Variants in MTMR2 observed in about 807,000 individuals in gnomAD.
MTMR2 encodes the protein myotubularin related protein 2.
Under a neutral mutation model 86.9 loss-of-function variants are expected in MTMR2, and 55 were observed. That is an observed-to-expected ratio of 0.63 (90% CI 0.51 to 0.79). The LOEUF is 0.79. MTMR2 is among the 30% of genes least tolerant of loss of function. The probability of loss-of-function intolerance (pLI) is 0.00; values close to 1 mark genes in which losing one functional copy is unlikely to be tolerated. For missense variants in MTMR2, 659 were observed against 772.3 expected (o/e 0.85, Z 1.74); for synonymous variants, 241 against 266.8 (o/e 0.90, Z 0.94).
chr11:95,859,287 G>A (rs1466867068), intron 5 of MTMR2, among the ~76,000 whole-genome samples: 2 of 152,196 alleles, frequency 1.3e-5, no homozygotes, highest in Non-Finnish European at 2.9e-5. Flanking sequence ...AGGCTCTACA[G>A]TAAGGTCTAA....
intron 2 of MTMR2, among the ~76,000 whole-genome samples, chr11:95,866,061 C>T (rs1470625470): frequency 8.7e-6 from 1 of 115,600 alleles, no homozygotes; most frequent in African/African-American, 3.3e-5. Flanking sequence ...TAGATCTGAA[C>T]TACAGTTGAA....
At chr11:95,916,356 AT>A (rs1384423809) in intron 1 of MTMR2, among the ~76,000 whole-genome samples, 1 of 152,102 alleles carries the variant, frequency 6.6e-6, no homozygotes, top group African/African-American at 2.4e-5. Flanking sequence ...AGCCAACTGG[AT>A]GTAAGTTAAA....
rs1864588505 is a variant in MTMR2, at chr11:95,865,686, G to A, written c.187-10C>T. 1 of 1,590,320 alleles carries A rather than the reference G, an allele frequency of 6.3e-7. No homozygotes were observed. Among genetic ancestry groups the A allele is most frequent in the Non-Finnish European group, 8.6e-7 (1 of 1,161,208 alleles). ...TAGACTCCCTCAGGACCTGGGGTGG[G>A]AAAGACAAAAAAAGAAACATTTTTT... On this transcript the variant is annotated splice_polypyrimidine_tract_variant and intron_variant, in intron 2 of 14. Coordinates refer to ENST00000346299, the MANE Select transcript of MTMR2 (RefSeq NM_016156.6).
intron 2 of MTMR2, among the ~76,000 whole-genome samples, chr11:95,872,267 TC>T (rs1864919888): frequency 6.6e-6 from 1 of 152,004 alleles, no homozygotes; most frequent in African/African-American, 2.4e-5. Context: ...GGAATGTTCA[TC>T]CATTTGTTTG....
At chr11:95,866,442 CTCCATCT>C (rs1864621571) in intron 2 of MTMR2, 2 of 152,058 alleles carry the variant, frequency 1.3e-5, no homozygotes, top group African/African-American at 4.8e-5. Flanking sequence ...CCATTAATTC[CTCCATCT>C]TCCGCAATCT....
intron 1 of MTMR2, among the ~76,000 whole-genome samples, chr11:95,898,522 A>G (rs1284505450): frequency 6.6e-6 from 1 of 152,030 alleles, no homozygotes; most frequent in African/African-American, 2.4e-5. Flanking sequence ...ACAAACACAC[A>G]CACACAAAAA....
chr11:95,835,095 A>G lies in MTMR2; in HGVS notation c.*195T>C. On this transcript the variant is annotated 3_prime_UTR_variant, in exon 15 of 15. Transcript: ENST00000346299. Reference sequence around the variant, plus strand: ...TAAAAGATTAGTATCATAATCATGTAATTACATATGGAGTTACTTCACTTA... The same window carrying G: ...TAAAAGATTAGTATCATAATCATGTGATTACATATGGAGTTACTTCACTTA... The G allele has an allele frequency of 1.7e-6, 1 of 592,274 alleles. No homozygotes were observed. The allele number at this position is 592,274 out of a possible 1,614,324, so 36.7% of individuals were successfully genotyped here.
At chr11:95,873,535 T>C (rs1488809773) in intron 2 of MTMR2, among the ~76,000 whole-genome samples, 2 of 152,220 alleles carry the variant, frequency 1.3e-5, no homozygotes, top group African/African-American at 4.8e-5. Flanking sequence ...ATTTTGATCT[T>C]TTCAAAAAAC....
intron 2 of MTMR2, among the ~76,000 whole-genome samples, chr11:95,878,554 T>C (rs781116434): frequency 6.6e-6 from 1 of 152,136 alleles, no homozygotes; most frequent in Non-Finnish European, 1.5e-5. Context: ...CTGCAAAAAC[T>C]TCTACAAAAA....
At chr11:95,875,498 T>C (rs1478441404) in intron 2 of MTMR2, among the ~76,000 whole-genome samples, 2 of 151,976 alleles carry the variant, frequency 1.3e-5, no homozygotes, top group Non-Finnish European at 2.9e-5. Flanking sequence ...GCCATTCGTC[T>C]AATTTTTTTT....
intron 10 of MTMR2, among the ~76,000 whole-genome samples, chr11:95,847,385 G>A (rs192107361): frequency 8.5e-5 from 13 of 152,244 alleles, no homozygotes; most frequent in African/African-American, 3.1e-4. Context: ...TGGAAAGACA[G>A]GGTAAAGAGT....
chr11:95,873,394 T>A (rs1453685738), intron 2 of MTMR2, among the ~76,000 whole-genome samples: 4 of 152,226 alleles, frequency 2.6e-5, no homozygotes, highest in Non-Finnish European at 4.4e-5. Context: ...TTTATTTGCA[T>A]AGAGGTGTTT....
intron 2 of MTMR2, among the ~76,000 whole-genome samples, chr11:95,884,321 A>C (rs984470422): frequency 6.6e-6 from 1 of 152,234 alleles, no homozygotes; most frequent in Non-Finnish European, 1.5e-5. Flanking sequence ...AGATTTATTA[A>C]GAAATATTGA....
chr11:95,891,103 T>C (rs1865699115), intron 1 of MTMR2, among the ~76,000 whole-genome samples: 1 of 152,128 alleles, frequency 6.6e-6, no homozygotes. Flanking sequence ...GGAGAGTGTA[T>C]TATCTAGAAA....
chr11:95,849,674 C>G lies in MTMR2; in HGVS notation c.993G>C (p.Lys331Asn). ...ARPSVNAVAN[K>N]AKGGGYESED... ...TATAATTACTAAGAGACCATCTGACCTTGTTGGCAACAGCATTAACACTTG... is the reference window on the plus strand; with the variant it reads ...TATAATTACTAAGAGACCATCTGACGTTGTTGGCAACAGCATTAACACTTG... The change falls in exon 9 of 15, where the codon AAG becomes AAC. Residue 331 changes from lysine to asparagine, a missense_variant and splice_region_variant. Physicochemically the swap from Lys to Asn is moderately conservative, Grantham distance 94 (BLOSUM62 0). Around this residue, in one of 3 missense-constraint regions of MTMR2, gnomAD observed 387 missense variants for 526.3 expected, o/e 0.74. Coordinates refer to ENST00000346299, the MANE Select transcript of MTMR2 (RefSeq NM_016156.6). 1 of 1,613,560 alleles carries G rather than the reference C, an allele frequency of 6.2e-7. No individual in the cohort carries two copies. The highest frequency in any genetic ancestry group is 8.5e-7 in the Non-Finnish European group (1 of 1,179,572).
intron 2 of MTMR2, among the ~76,000 whole-genome samples, chr11:95,882,920 T>G (rs11499677): frequency 2.0e-5 from 2 of 101,194 alleles, no homozygotes; most frequent in African/African-American, 7.4e-5. Context: ...TTTTTTTTTT[T>G]GTATTTTTAG....
chr11:95,868,303 A>AAAAAAG (rs1565362661), intron 2 of MTMR2, among the ~76,000 whole-genome samples: 2 of 68,352 alleles, frequency 2.9e-5, no homozygotes, highest in Non-Finnish European at 4.4e-5. Context: ...AAAAAAAAAG[A>AAAAAAG]AAGAAAAAGA....
intron 12 of MTMR2, 74 bp downstream of exon 12, chr11:95,841,543 A>G: frequency 9.6e-7 from 1 of 1,043,252 alleles, no homozygotes; most frequent in Non-Finnish European, 1.5e-6. Context: ...TAGGCTAATC[A>G]GTGACCAAAT....
rs753501286 is a variant in MTMR2, at chr11:95,847,871, T to C, written c.1022A>G (p.Asp341Gly). The C allele has an allele frequency of 2.5e-6, 4 of 1,613,628 alleles. No individual in the cohort carries two copies. The highest frequency in any genetic ancestry group is 8.5e-7 in the Non-Finnish European group (1 of 1,179,752). ...KAKGGGYESE[D>G]AYQNAELVFL... ...AACTAGTTCAGCATTTTGATAGGCA[T>C]CTTCACTTTCATAACCTCCACCCTT... is the stretch of plus-strand genomic sequence containing the variant. Residue 341 changes from aspartate to glycine, a missense_variant, in exon 10 of 15, where the codon GAT becomes GGT. Coordinates refer to ENST00000346299, the MANE Select transcript of MTMR2 (RefSeq NM_016156.6).
Sources: allele counts gnomAD v4.1 joint callset (sites outside exome capture counted in the v4.1 genomes callset), GRCh38; gene constraint gnomAD v4.1.1; regional missense constraint gnomAD v4.1.1; transcripts MANE v1.5; gene names NCBI Gene and HGNC (gene_info 2026-07-23, HGNC 2026-07-21).